The following SETD2 variants were observed in gnomAD, a reference collection of about 807,000 sequenced individuals.
The protein encoded by SETD2 is histone-lysine N-methyltransferase SETD2.
A neutral mutation model predicts 242.1 loss-of-function variants in SETD2; 31 were observed. The observed-to-expected ratio is 0.13, with a 90% CI of 0.10 to 0.17. The LOEUF (loss-of-function observed/expected upper bound fraction) is 0.17, where lower values mean the gene tolerates loss of function less well. Ranked by LOEUF, SETD2 falls within the 10% of genes least tolerant of loss-of-function variation. The pLI, the probability that SETD2 is intolerant of heterozygous loss-of-function variation, is 1.00. For missense variants in SETD2, 2,481 were observed against 3,046.3 expected (o/e 0.81, Z 4.37); for synonymous variants, 1,006 against 1,066.5 (o/e 0.94, Z 1.11).
chr3:47,068,450 T>C (rs1183433853), intron 12 of SETD2, among the ~76,000 whole-genome samples: 1 of 152,068 alleles, frequency 6.6e-6, no homozygotes, highest in Non-Finnish European at 1.5e-5. Context: ...TGTGCACTTA[T>C]ACTGTGTGCC....
intron 3 of SETD2, among the ~76,000 whole-genome samples, chr3:47,117,347 C>T (rs2042904089): frequency 6.7e-6 from 1 of 149,806 alleles, no homozygotes; most frequent in Admixed American, 6.6e-5. Flanking sequence ...GAGATGAGTT[C>T]AAGACTACTC....
chr3:47,093,888 A>G lies in SETD2; in HGVS notation c.5142+4067T>C, dbSNP rs140293527. 3.2e-3 allele frequency among the ~76,000 whole-genome samples: 494 copies of G among 152,122 alleles called. 3 individuals are homozygous for G. The highest frequency in any genetic ancestry group is 0.011 in the African/African-American group (462 of 41,496). ...ACATCTAATAGTAATTTTAATTTGC[A>G]CTCCCCAATTACTAATAAAGTTGAA... On this transcript the variant is annotated intron_variant, in intron 9 of 20. Coordinates refer to ENST00000409792, the MANE Select transcript of SETD2 (RefSeq NM_014159.7).
At chr3:47,055,928 G>C (rs541898647) in intron 15 of SETD2, among the ~76,000 whole-genome samples, 55 of 144,992 alleles carry the variant, frequency 3.8e-4, no homozygotes, top group Non-Finnish European at 3.1e-4. Context: ...CAGGAGAATG[G>C]CGTGAACCCG....
At position 47,120,432 on chromosome 3, in the gene SETD2, C is replaced by T. The variant is rs376483573; in HGVS notation, c.4204G>A (p.Gly1402Arg). 27 of 1,612,796 alleles carry T rather than the reference C, an allele frequency of 1.7e-5. No homozygotes were observed. Among genetic ancestry groups the T allele is most frequent in the Non-Finnish European group, 2.2e-5 (26 of 1,179,686 alleles). The change falls in exon 3 of 21, where the codon GGG (glycine) becomes AGG (arginine). Residue 1402 changes from glycine to arginine, a missense_variant. By Grantham distance (125) the Gly-to-Arg change is moderately radical. Transcript: ENST00000409792. ...NLEKNDIKDR[G>R]PLKKRRQEIE... ...TCCTGCCTCCTTTTTTTAAGAGGCC[C>T]TCTATCTTTGATATCATTTTTTTCT...
chr3:47,063,842 G>C (rs1435242646), intron 13 of SETD2, among the ~76,000 whole-genome samples: 1 of 152,084 alleles, frequency 6.6e-6, no homozygotes, highest in Non-Finnish European at 1.5e-5. Flanking sequence ...AATTAGCTGG[G>C]CACGGTGGCA....
chr3:47,097,893 G>C (rs1341985885), intron 9 of SETD2, 62 bp downstream of exon 9: 7 of 1,566,980 alleles, frequency 4.5e-6, no homozygotes, highest in Non-Finnish European at 6.1e-6. Context: ...CCTTCAATCA[G>C]AAAAGCCACC....
intron 12 of SETD2, 70 bp downstream of exon 12, chr3:47,083,650 T>C (rs1273023019): frequency 2.1e-6 from 3 of 1,429,290 alleles, no homozygotes; most frequent in Non-Finnish European, 2.8e-6. Flanking sequence ...AAGTAGTTAA[T>C]TTTGCTTAGG....
At chr3:47,047,248 T>C (rs1469207816) in intron 15 of SETD2, among the ~76,000 whole-genome samples, 3 of 152,184 alleles carry the variant, frequency 2.0e-5, no homozygotes, top group South Asian at 4.1e-4. Flanking sequence ...CCCCTTAACA[T>C]ACATCATCTC....
chr3:47,065,042 T>C (rs1200320889), intron 13 of SETD2, among the ~76,000 whole-genome samples: 1 of 152,088 alleles, frequency 6.6e-6, no homozygotes. Context: ...ATTTACAAAA[T>C]ATTATGGAGA....
intron 5 of SETD2, among the ~76,000 whole-genome samples, chr3:47,106,512 A>AAAAAAAAAAAAAAAAAAAAAAAAAAAC (rs2042429414): frequency 7.1e-6 from 1 of 140,952 alleles, no homozygotes; most frequent in African/African-American, 2.7e-5. Context: ...AAAAAAAAAA[A>AAAAAAAAAAAAAAAAAAAAAAAAAAAC]AAAAAAAAAA....
intron 14 of SETD2, among the ~76,000 whole-genome samples, chr3:47,060,083 GTC>G (rs2040268056): frequency 1.3e-5 from 2 of 152,138 alleles, no homozygotes; most frequent in South Asian, 4.1e-4. Context: ...GAGAAACTCC[GTC>G]TCTACAAAAA....
intron 1 of SETD2, among the ~76,000 whole-genome samples, chr3:47,150,696 A>T (rs1266175746): frequency 6.6e-6 from 1 of 152,092 alleles, no homozygotes; most frequent in Non-Finnish European, 1.5e-5. Flanking sequence ...AATGTCTGGT[A>T]ATAGGCTGGG....
chr3:47,084,130 T>A lies in SETD2; in HGVS notation c.5650A>T (p.Ile1884Leu). 6.2e-7 allele frequency: 1 copy of A among 1,614,214 alleles called. No homozygotes were observed. The highest frequency in any genetic ancestry group is 1.1e-5 in the South Asian group (1 of 91,082). ...GCACTGTCCATGCTATTTTCACTTA[T>A]AATTTTCAGTCTGCGAAACATTAGT... ...KKLMFRRLKI[I>L]SENSMDSAIS... The change falls in exon 12 of 21, where the codon ATA (isoleucine) becomes TTA (leucine). Residue 1884 changes from isoleucine (I) to leucine (L), a missense_variant. By Grantham distance (5) the Ile-to-Leu change is conservative. Transcript: ENST00000409792.
rs2107740070 is a variant in SETD2, at chr3:47,120,304, C to T, written c.4332G>A (p.Leu1444=). The T allele has an allele frequency of 1.9e-6, 3 of 1,613,984 alleles. No individual in the cohort carries two copies. The highest frequency in any genetic ancestry group is 2.5e-6 in the Non-Finnish European group (3 of 1,179,950). The change falls in exon 3 of 21, where the codon CTG becomes CTA. Residue 1444 remains leucine, a synonymous_variant. Transcript: ENST00000409792. ...GETSVPPGSA[L]VGPSCVMDDF... ...CATCCATGACACAGGAGGGCCCAAC[C>T]AGTGCTGAACCTGGGGGCACTGATG...
intron 18 of SETD2, among the ~76,000 whole-genome samples, chr3:47,031,669 T>C (rs1254161628): frequency 1.3e-5 from 2 of 152,176 alleles, no homozygotes; most frequent in Non-Finnish European, 2.9e-5. Context: ...AAGATAAATA[T>C]GCATACTGTA....
intron 1 of SETD2, among the ~76,000 whole-genome samples, chr3:47,151,433 C>CA (rs1296232510): frequency 6.6e-6 from 1 of 151,978 alleles, no homozygotes; most frequent in Admixed American, 6.6e-5. Flanking sequence ...ACACAGCTAA[C>CA]AAAAAAATTG....
chr3:47,116,521 T>C lies in SETD2; in HGVS notation c.4586+102A>G, dbSNP rs138895831. The C allele has an allele frequency of 2.6e-3, 3,084 of 1,195,362 alleles. 8 individuals are homozygous for C. The highest frequency in any genetic ancestry group is 3.3e-3 in the Non-Finnish European group (2,784 of 853,714). The allele number at this position is 1,195,362 out of a possible 1,614,324, so 74.0% of individuals were successfully genotyped here. A position where few individuals can be genotyped will look rare whatever the true frequency, so the allele number is the denominator to read the frequency against. On this transcript the variant is annotated intron_variant, in intron 4 of 20. Transcript: ENST00000409792. Reference sequence around the variant, plus strand: ...ATACTTTTTTGCTTGTAGTCATCCATAGGTAGGAGAAAGGTTAAATTTTAT... The same window carrying C: ...ATACTTTTTTGCTTGTAGTCATCCACAGGTAGGAGAAAGGTTAAATTTTAT...
intron 12 of SETD2, among the ~76,000 whole-genome samples, chr3:47,075,564 C>CAAAAAAAA (rs55635941): frequency 5.2e-5 from 4 of 76,442 alleles, no homozygotes; most frequent in African/African-American, 1.6e-4. Flanking sequence ...AACTCCGTCT[C>CAAAAAAAA]AAAAAAAAAA....
rs760833718 is a variant in SETD2 at position 47,120,975 on chromosome 3, T to C, written c.3661A>G (p.Thr1221Ala). The C allele has an allele frequency of 6.2e-6, 10 of 1,614,104 alleles. No homozygotes were observed. The highest frequency in any genetic ancestry group is 7.6e-6 in the Non-Finnish European group (9 of 1,180,036). Residue 1221 changes from threonine to alanine, a missense_variant, in exon 3 of 21, where the codon ACT (threonine) becomes GCT (alanine). This residue lies in a region of SETD2 where 1,300 missense variants were observed against 1,259.2 expected (regional missense o/e 1.03). Coordinates refer to ENST00000409792, the MANE Select transcript of SETD2 (RefSeq NM_014159.7). ...CTACTATCTGGCCTGTTTTGGAAAGTGGTCTGTTGCCAAGACTTATTTGGG... is the reference window on the plus strand; with the variant it reads ...CTACTATCTGGCCTGTTTTGGAAAGCGGTCTGTTGCCAAGACTTATTTGGG... Reference protein sequence around the residue: ...DVPNKSWQQTTFQNRPDSRLG... With the variant: ...DVPNKSWQQTAFQNRPDSRLG...
Sources: allele counts gnomAD v4.1 joint callset (sites outside exome capture counted in the v4.1 genomes callset), GRCh38; gene constraint gnomAD v4.1.1; regional missense constraint gnomAD v4.1.1; transcripts MANE v1.5; gene names NCBI Gene and HGNC (gene_info 2026-07-23, HGNC 2026-07-21).